GABRG2: variants seen among roughly 807,000 people sequenced by gnomAD.
GABRG2 encodes gamma-aminobutyric acid type A receptor subunit gamma2.
A neutral mutation model predicts 56.4 loss-of-function variants in GABRG2; 16 were observed. That is an observed-to-expected ratio of 0.28 (90% CI 0.19 to 0.43). The LOEUF is 0.43. GABRG2 is among the 20% of genes least tolerant of loss of function. The pLI is 1.00. For synonymous variants in GABRG2, 208 were observed against 205.5 expected (o/e 1.01, Z -0.10); for missense variants, 327 against 582.7 (o/e 0.56, Z 4.52).
chr5:162,078,509 C>G (rs1483026096), intron 1 of GABRG2, among the ~76,000 whole-genome samples: 6 of 142,060 alleles, frequency 4.2e-5, no homozygotes, highest in African/African-American at 1.6e-4. Flanking sequence ...CAGGTTCATG[C>G]ATTCTCCCAC....
chr5:162,152,425 G>A, intron 9 of GABRG2: 1 of 475,828 alleles, frequency 2.1e-6, no homozygotes, highest in South Asian at 1.6e-5. Context: ...TTACCAACTG[G>A]TCTAGCAGGA....
chr5:162,086,591 C>T (rs1299425522), intron 1 of GABRG2, among the ~76,000 whole-genome samples: 1 of 151,892 alleles, frequency 6.6e-6, no homozygotes, highest in Non-Finnish European at 1.5e-5. Context: ...TCTTTCTTTC[C>T]TAGTTTCTGT....
intron 6 of GABRG2, among the ~76,000 whole-genome samples, chr5:162,123,398 A>T (rs988306759): frequency 2.7e-5 from 4 of 149,624 alleles, no homozygotes; most frequent in East Asian, 2.0e-4. Flanking sequence ...TTATTTTTGC[A>T]TGATGATGGT....
At chr5:162,100,599 AT>A (rs1581357589) in intron 4 of GABRG2, among the ~76,000 whole-genome samples, 1 of 152,104 alleles carries the variant, frequency 6.6e-6, no homozygotes, top group East Asian at 1.9e-4. Context: ...ACTGGCAAAC[AT>A]TTTTCAAATA....
At chr5:162,116,411 G>A (rs1762629505) in intron 6 of GABRG2, among the ~76,000 whole-genome samples, 1 of 151,552 alleles carries the variant, frequency 6.6e-6, no homozygotes, top group Non-Finnish European at 1.5e-5. Context: ...TACCTCCAGT[G>A]TTTCTTTATT....
intron 4 of GABRG2, 191 bp downstream of exon 4, chr5:162,098,049 C>A (rs1761130300): frequency 1.0e-5 from 6 of 598,790 alleles, no homozygotes; most frequent in South Asian, 8.2e-5. Flanking sequence ...TGAGCTTTTT[C>A]AAAGCACTAA....
chr5:162,124,200 T>C (rs1459707527), intron 6 of GABRG2, among the ~76,000 whole-genome samples: 1 of 151,838 alleles, frequency 6.6e-6, no homozygotes, highest in Non-Finnish European at 1.5e-5. Context: ...TGACCAAGTG[T>C]TTTCAAGTGA....
At chr5:162,103,110 G>T (rs1761554813) in intron 5 of GABRG2, 1 of 153,406 alleles carries the variant, frequency 6.5e-6, no homozygotes, top group Admixed American at 6.5e-5. Flanking sequence ...AATATACATT[G>T]ACCATCAATT....
At chr5:162,109,772 C>T (rs1322583778) in intron 6 of GABRG2, among the ~76,000 whole-genome samples, 2 of 151,838 alleles carry the variant, frequency 1.3e-5, no homozygotes, top group African/African-American at 4.8e-5. Context: ...GTCATGTTGC[C>T]ACGGCCAGCT....
chr5:162,107,147 C>T (rs1487904100), intron 6 of GABRG2, among the ~76,000 whole-genome samples: 1 of 152,072 alleles, frequency 6.6e-6, no homozygotes, highest in Non-Finnish European at 1.5e-5. Flanking sequence ...GGGGTAGTGG[C>T]TTCCAACTCC....
chr5:162,140,174 G>A (rs1266534658), intron 6 of GABRG2, among the ~76,000 whole-genome samples: 2 of 152,150 alleles, frequency 1.3e-5, no homozygotes, highest in Non-Finnish European at 2.9e-5. Context: ...CAAGTCTTTA[G>A]GCACAGTTGC....
At chr5:162,114,518 A>G (rs1341517455) in intron 6 of GABRG2, among the ~76,000 whole-genome samples, 2 of 152,152 alleles carry the variant, frequency 1.3e-5, no homozygotes, top group African/African-American at 4.8e-5. Context: ...AGCCTAGGCA[A>G]CAAGAGCGAA....
At chr5:162,081,148 A>G (rs1262809012) in intron 1 of GABRG2, among the ~76,000 whole-genome samples, 3 of 152,118 alleles carry the variant, frequency 2.0e-5, no homozygotes, top group Non-Finnish European at 4.4e-5. Flanking sequence ...GAGATTAAAA[A>G]TTGTATACAA....
intron 6 of GABRG2, among the ~76,000 whole-genome samples, chr5:162,133,040 G>C (rs537256810): frequency 6.6e-6 from 1 of 151,922 alleles, no homozygotes; most frequent in East Asian, 1.9e-4. Context: ...GTGGGTGACT[G>C]TAATAGTGTA....
intron 6 of GABRG2, among the ~76,000 whole-genome samples, chr5:162,111,635 G>C (rs1322084704): frequency 6.6e-6 from 1 of 151,998 alleles, no homozygotes; most frequent in Non-Finnish European, 1.5e-5. Context: ...TATACACAAT[G>C]GTATTTTATT....
chr5:162,113,861 T>C (rs1315567328), intron 6 of GABRG2, among the ~76,000 whole-genome samples: 1 of 152,222 alleles, frequency 6.6e-6, no homozygotes, highest in African/African-American at 2.4e-5. Context: ...GGTTTCTTGT[T>C]ACCAGTATTA....
chr5:162,153,887 C>G lies in GABRG2; in HGVS notation c.*519C>G, dbSNP rs1278737328. 1.2e-5 allele frequency: 2 copies of G among 170,018 alleles called. No individual in the cohort carries two copies. The highest frequency in any genetic ancestry group is 1.1e-4 in the Admixed American group (2 of 17,932). The allele number at this position is 170,018 out of a possible 1,614,324, so 10.5% of individuals were successfully genotyped here. A position where few individuals can be genotyped will look rare whatever the true frequency, so the allele number is the denominator to read the frequency against. On this transcript the variant is annotated 3_prime_UTR_variant, in exon 10 of 10. Coordinates refer to ENST00000639213, the MANE Select transcript of GABRG2 (RefSeq NM_198904.4). ...TCTCAAGATAGGAAGAAAATTTCCT[C>G]CACATTCATGTACAATGATGTAAAT...
chr5:162,124,727 A>C (rs1268292144), intron 6 of GABRG2, among the ~76,000 whole-genome samples: 1 of 151,798 alleles, frequency 6.6e-6, no homozygotes, highest in Non-Finnish European at 1.5e-5. Context: ...GAATCTCAAA[A>C]AAGCACTATT....
At chr5:162,073,724 A>G (rs984365034) in intron 1 of GABRG2, among the ~76,000 whole-genome samples, 1 of 151,982 alleles carries the variant, frequency 6.6e-6, no homozygotes, top group African/African-American at 2.4e-5. Context: ...TAATTTCTAG[A>G]GTAATAAGAA....
Sources: allele counts gnomAD v4.1 joint callset (sites outside exome capture counted in the v4.1 genomes callset), GRCh38; gene constraint gnomAD v4.1.1; transcripts MANE v1.5; gene names NCBI Gene and HGNC (gene_info 2026-07-23, HGNC 2026-07-21).